Variants in ATP8A1 observed in about 807,000 individuals in gnomAD.
ATP8A1 encodes the protein phospholipid-transporting ATPase IA.
In ATP8A1, 90 loss-of-function variants were observed where a neutral mutation model predicts 177.7. The ratio of observed to expected loss-of-function variants is 0.51; its 90% CI spans 0.43 to 0.60. ATP8A1 has a LOEUF of 0.60. ATP8A1 is among the 20% of genes least tolerant of loss of function. The pLI, the probability that ATP8A1 is intolerant of heterozygous loss-of-function variation, is 0.00. For missense variants in ATP8A1, 1,072 were observed against 1,392.8 expected, an observed-to-expected ratio of 0.77 and a Z score of 3.67; for synonymous variants, 493 against 485.9, an observed-to-expected ratio of 1.01 and a Z score of -0.19.
Position 42,444,601 on chromosome 4 carries a change from A to G in ATP8A1, c.2992T>C (p.Leu998=). ...ACCCATGTCCAATATGATGTCTCCA[A>G]TCCAGCTTTCAAACACACAGTTATC... is the stretch of plus-strand genomic sequence containing the variant. The part of the protein sequence containing the change: ...VVITVCLKAG[L]ETSYWTWFSH... The change falls in exon 32 of 37, where the codon TTG becomes CTG. Residue 998 remains leucine, a synonymous_variant. Coordinates refer to ENST00000381668, the MANE Select transcript of ATP8A1 (RefSeq NM_006095.2). 1 of 1,614,080 alleles carries G rather than the reference A, an allele frequency of 6.2e-7. No homozygotes were observed. Among genetic ancestry groups the G allele is most frequent in the East Asian group, 2.2e-5 (1 of 44,870 alleles).
At chr4:42,577,026 C>A (rs1232452322) in intron 12 of ATP8A1, among the ~76,000 whole-genome samples, 1 of 152,114 alleles carries the variant, frequency 6.6e-6, no homozygotes, top group Non-Finnish European at 1.5e-5. Context: ...AAGAAAGTTG[C>A]TTTGTAAAAG....
chr4:42,498,563 C>A (rs2153192282), intron 24 of ATP8A1, among the ~76,000 whole-genome samples: 1 of 152,218 alleles, frequency 6.6e-6, no homozygotes, highest in Non-Finnish European at 1.5e-5. Context: ...ATAATCAAAC[C>A]TACAGCTGGT....
chr4:42,469,193 T>A (rs1026552659), intron 25 of ATP8A1, among the ~76,000 whole-genome samples: 1 of 152,222 alleles, frequency 6.6e-6, no homozygotes, highest in Admixed American at 6.5e-5. Flanking sequence ...ATACCTGGAT[T>A]TACTAGCAAT....
chr4:42,446,080 C>CAA (rs11311245), intron 31 of ATP8A1, among the ~76,000 whole-genome samples: 16,152 of 63,840 alleles, frequency 0.25, 2,915 homozygotes, highest in East Asian at 0.48. Context: ...AACGCCCTCT[C>CAA]AAAAAAAAAA....
chr4:42,630,126 T>C lies in ATP8A1; in HGVS notation c.50-3017A>G, dbSNP rs1207735773. Among the ~76,000 whole-genome samples the C allele has an allele frequency of 2.6e-5, 4 of 152,216 alleles. No individual in the cohort carries two copies. In the East Asian group the frequency reaches 7.7e-4, roughly 29 times the overall value. On this transcript the variant is annotated intron_variant, in intron 1 of 36. Coordinates refer to ENST00000381668, the MANE Select transcript of ATP8A1 (RefSeq NM_006095.2). ...TGCATATCACCACCTTCATCAGCTA[T>C]AATAACCACATAAAGAGCTACATGT...
chr4:42,596,424 C>G (rs1038392255), intron 6 of ATP8A1, among the ~76,000 whole-genome samples: 1 of 151,914 alleles, frequency 6.6e-6, no homozygotes, highest in African/African-American at 2.4e-5. Context: ...AATCCCCGTA[C>G]TTTGGGAGAC....
At chr4:42,569,019 C>T (rs1295896659) in intron 15 of ATP8A1, 142 bp downstream of exon 15, 1 of 295,772 alleles carries the variant, frequency 3.4e-6, no homozygotes, top group East Asian at 6.9e-5. Flanking sequence ...ATCTACTTTA[C>T]AGCATTGTTA....
At chr4:42,587,648 C>T (rs889896593) in intron 8 of ATP8A1, among the ~76,000 whole-genome samples, 2 of 150,990 alleles carry the variant, frequency 1.3e-5, no homozygotes, top group Non-Finnish European at 3.0e-5. Context: ...GCTCTGTCGC[C>T]CAGGCTGGAG....
intron 22 of ATP8A1, among the ~76,000 whole-genome samples, chr4:42,521,348 C>T (rs560741315): frequency 2.7e-4 from 41 of 152,216 alleles, no homozygotes; most frequent in African/African-American, 9.6e-4. Context: ...CTCTCTGTTA[C>T]CTTGGATTCT....
chr4:42,462,390 T>C (rs10027440), intron 27 of ATP8A1, among the ~76,000 whole-genome samples: 144,202 of 152,288 alleles, frequency 0.95, 68,743 homozygotes, highest in Non-Finnish European at 1. Flanking sequence ...GCATCCCAGT[T>C]GCTCCAGACA....
intron 35 of ATP8A1, among the ~76,000 whole-genome samples, chr4:42,417,430 C>CA (rs1240096471): frequency 1.3e-5 from 2 of 151,632 alleles, no homozygotes; most frequent in African/African-American, 4.8e-5. Context: ...TATAGTCTTT[C>CA]ATTTACATAC....
At chr4:42,538,322 A>G (rs1394290062) in intron 20 of ATP8A1, among the ~76,000 whole-genome samples, 1 of 152,220 alleles carries the variant, frequency 6.6e-6, no homozygotes, top group Non-Finnish European at 1.5e-5. Context: ...ACTCTAGAAG[A>G]TAATATCAGA....
At chr4:42,563,659 G>T (rs1289280630) in intron 15 of ATP8A1, among the ~76,000 whole-genome samples, 3 of 152,208 alleles carry the variant, frequency 2.0e-5, no homozygotes, top group Non-Finnish European at 4.4e-5. Context: ...GGGTCCCCAT[G>T]CTGTGTGCAG....
chr4:42,419,587 A>G (rs1404867122), intron 35 of ATP8A1, among the ~76,000 whole-genome samples: 1 of 152,240 alleles, frequency 6.6e-6, no homozygotes, highest in Non-Finnish European at 1.5e-5. Context: ...AAACAGGGGA[A>G]CAGCAAATGC....
chr4:42,555,528 T>C (rs567207929), intron 16 of ATP8A1, among the ~76,000 whole-genome samples: 4 of 152,214 alleles, frequency 2.6e-5, no homozygotes, highest in African/African-American at 9.6e-5. Context: ...TGATAATTAT[T>C]AAAAATGATA....
At chr4:42,645,714 A>G (rs562965454) in intron 1 of ATP8A1, among the ~76,000 whole-genome samples, 1 of 152,346 alleles carries the variant, frequency 6.6e-6, no homozygotes, top group East Asian at 1.9e-4. Context: ...AAGATAGCAG[A>G]GACATTCCTC....
chr4:42,537,142 A>ACAAAC (rs1275311018), intron 20 of ATP8A1, among the ~76,000 whole-genome samples: 2 of 143,920 alleles, frequency 1.4e-5, no homozygotes, highest in Admixed American at 1.4e-4. Context: ...CAAAAAAAAA[A>ACAAAC]AAAACAAAAA....
intron 1 of ATP8A1, among the ~76,000 whole-genome samples, chr4:42,636,406 G>GGA (rs34510239): frequency 2.1e-4 from 31 of 150,678 alleles, no homozygotes; most frequent in African/African-American, 7.1e-4. Context: ...ACGGGTAGGG[G>GGA]GAGAGAGAGA....
chr4:42,442,309 C>T (rs931147087), intron 33 of ATP8A1, among the ~76,000 whole-genome samples: 9 of 152,176 alleles, frequency 5.9e-5, no homozygotes, highest in African/African-American at 2.2e-4. Flanking sequence ...CAGAGCACAT[C>T]AGATAAAAAC....
Sources: allele counts gnomAD v4.1 joint callset (sites outside exome capture counted in the v4.1 genomes callset), GRCh38; gene constraint gnomAD v4.1.1; transcripts MANE v1.5; gene names NCBI Gene and HGNC (gene_info 2026-07-23, HGNC 2026-07-21).